KLHDC4: variants seen among roughly 807,000 people sequenced by gnomAD.
KLHDC4 encodes the protein kelch domain-containing protein 4.
A neutral mutation model predicts 62.4 loss-of-function variants in KLHDC4; 90 were observed. The ratio of observed to expected loss-of-function variants is 1.44; its 90% CI spans 1.22 to 1.72. KLHDC4 has a LOEUF of 1.72. Among genes scored for constraint, KLHDC4 ranks in the 40% most tolerant of loss-of-function variants. KLHDC4 has a pLI of 0.00. For synonymous variants in KLHDC4, 386 were observed against 284.4 expected (o/e 1.36, Z -3.59); for missense variants, 1,025 against 699.7 (o/e 1.47, Z -5.25).
At chr16:87,700,888 A>C in exon 1 of KLHDC4, 1 of 257,248 alleles carries the variant, frequency 3.9e-6, no homozygotes, top group Non-Finnish European at 7.6e-6. Flanking sequence ...GGGCGGAGGG[A>C]GGAAGCTGGA....
intron 5 of KLHDC4, 138 bp downstream of exon 5, chr16:87,748,535 C>G: frequency 9.0e-7 from 1 of 1,108,516 alleles, no homozygotes; most frequent in Non-Finnish European, 1.3e-6. Context: ...TCCCAGGACC[C>G]AGCGAGGCTG....
downstream of KLHDC4, chr16:87,702,886 G>A (rs2034219320): frequency 6.6e-6 from 1 of 152,622 alleles, no homozygotes; most frequent in Non-Finnish European, 1.5e-5. Flanking sequence ...AAGTTACCCT[G>A]AGCCTTTTTT....
Position 87,711,289 on chromosome 16 carries a change from G to T in KLHDC4, c.990C>A (p.Asn330Lys). 3.1e-6 allele frequency: 5 copies of T among 1,614,130 alleles called. No individual in the cohort carries two copies. Among genetic ancestry groups the T allele is most frequent in the Non-Finnish European group, 4.2e-6 (5 of 1,180,030 alleles). The change falls in exon 9 of 12, where the codon AAC becomes AAA. Residue 330 changes from asparagine (N) to lysine (K), a missense_variant. By Grantham distance (94) the Asn-to-Lys change is moderately conservative (BLOSUM62 0). Transcript: ENST00000270583. ...EEESLSGEFF[N>K]DLYFYDATRN... is the part of the protein sequence containing the mutation. ...TGGTGGCGTCGTAGAAGTACAGATC[G>T]TTGAAGAACTCGCCCGACAGGCTCT... is the stretch of plus-strand genomic sequence containing the variant.
chr16:87,703,101 T>C (rs968096331), downstream of KLHDC4: 1 of 152,256 alleles, frequency 6.6e-6, no homozygotes, highest in Non-Finnish European at 1.5e-5. Flanking sequence ...TTACTGAAGG[T>C]CCTTCCGCTG....
At chr16:87,701,037 C>A in exon 1 of KLHDC4, 3 of 204,524 alleles carry the variant, frequency 1.5e-5, no homozygotes, top group Non-Finnish European at 2.0e-5. Flanking sequence ...GCTCAGCCTT[C>A]AAAACAAGCA....
Position 87,709,463 on chromosome 16 carries a change from C to CT in KLHDC4, c.1248dup (p.Asp417ArgfsTer4), listed in dbSNP as rs770361905. On this transcript the variant is annotated frameshift_variant, in exon 10 of 12. Coordinates refer to ENST00000270583, the MANE Select transcript of KLHDC4 (RefSeq NM_017566.4). LOFTEE classifies it high-confidence loss of function. Reference sequence around the variant, plus strand: ...GGGCTGCCGGCCTCCTCAAGGCTGTCTTCGTCCTCAGACCGGGGCTGCCCC... The same window carrying CT: ...GGGCTGCCGGCCTCCTCAAGGCTGTCTTTCGTCCTCAGACCGGGGCTGCCCC... 2.5e-6 allele frequency: 4 copies of CT among 1,611,854 alleles called. No homozygotes were observed. The African/African-American group carries it at 5.3e-5, about 22-fold the overall frequency.
At chr16:87,705,141 G>A (rs114426336), downstream of KLHDC4, among the ~76,000 whole-genome samples, 363 of 152,380 alleles carry the variant, frequency 2.4e-3, no homozygotes, top group African/African-American at 8.4e-3. Context: ...GCGAGGAACT[G>A]GGCAAGAACG....
chr16:87,745,247 C>G (rs1028115228), intron 5 of KLHDC4, among the ~76,000 whole-genome samples: 1 of 152,144 alleles, frequency 6.6e-6, no homozygotes, highest in East Asian at 1.9e-4. Flanking sequence ...GCCCTGGGGC[C>G]GGCCATAGGG....
At chr16:87,725,843 G>C (rs575548272) in intron 7 of KLHDC4, among the ~76,000 whole-genome samples, 10 of 152,190 alleles carry the variant, frequency 6.6e-5, no homozygotes, top group Non-Finnish European at 1.3e-4. Flanking sequence ...ATTCCTGTCA[G>C]CACTGTTCTC....
chr16:87,761,628 C>A (rs555327010), intron 2 of KLHDC4, among the ~76,000 whole-genome samples: 1 of 152,216 alleles, frequency 6.6e-6, no homozygotes, highest in Non-Finnish European at 1.5e-5. Flanking sequence ...ACAGTACGCA[C>A]TTTTAAAATA....
intron 5 of KLHDC4, among the ~76,000 whole-genome samples, chr16:87,731,416 T>C (rs192930073): frequency 5.3e-5 from 8 of 151,650 alleles, no homozygotes; most frequent in East Asian, 1.9e-4. Flanking sequence ...AATAAAAATA[T>C]AGGCAAAAGA....
At chr16:87,760,777 A>C (rs2143448706) in intron 2 of KLHDC4, among the ~76,000 whole-genome samples, 1 of 152,334 alleles carries the variant, frequency 6.6e-6, no homozygotes, top group South Asian at 2.1e-4. Context: ...TCACGCCTGT[A>C]ATCCCAGCAC....
intron 5 of KLHDC4, among the ~76,000 whole-genome samples, chr16:87,741,892 C>T (rs34681991): frequency 0.051 from 7,791 of 152,232 alleles, 279 homozygotes; most frequent in East Asian, 0.15. Flanking sequence ...AAAATGAATG[C>T]GCAGTGCAGG....
chr16:87,701,519 G>A, exon 1 of KLHDC4: 1 of 366,684 alleles, frequency 2.7e-6, no homozygotes, highest in Non-Finnish European at 5.6e-6. Context: ...GCAGCCCCGT[G>A]ACGGGCACAG....
At chr16:87,708,633 G>C (rs888129003) in intron 10 of KLHDC4, 167 bp from the exon 11 acceptor site, 2 of 444,984 alleles carry the variant, frequency 4.5e-6, no homozygotes, top group Admixed American at 3.9e-5. Flanking sequence ...AAAGGAAACA[G>C]ACTGCGTTCC....
exon 1 of KLHDC4, chr16:87,700,655 AGGAGGGCAGAGGGCGGAGGGAGGAGGTT>A (rs1304967712): frequency 3.9e-5 from 8 of 202,720 alleles, no homozygotes; most frequent in Admixed American, 7.6e-5. Context: ...GGGCAGAGGG[AGGAGGGCAGAGGGCGGAGGGAGGAGGTT>A]GGAGGGCGGA....
At chr16:87,761,208 C>G (rs1183353111) in intron 2 of KLHDC4, among the ~76,000 whole-genome samples, 4 of 152,238 alleles carry the variant, frequency 2.6e-5, no homozygotes, top group African/African-American at 9.6e-5. Flanking sequence ...AGGGGCTGAT[C>G]ACCGTGCTCC....
downstream of KLHDC4, among the ~76,000 whole-genome samples, chr16:87,706,229 G>GGGT (rs1555548184): frequency 2.6e-4 from 27 of 103,816 alleles, 1 homozygote; most frequent in Non-Finnish European, 4.6e-4. Context: ...CCTCGGGGGG[G>GGGT]GGTCAGCGCA....
downstream of KLHDC4, among the ~76,000 whole-genome samples, chr16:87,706,223 G>GGGGGT (rs565551548): frequency 3.9e-4 from 1 of 2,576 alleles, no homozygotes; most frequent in African/African-American, 1.2e-3. Context: ...TGCAGCCCTC[G>GGGGGT]GGGGGGGGTC....
Sources: allele counts gnomAD v4.1 joint callset (sites outside exome capture counted in the v4.1 genomes callset), GRCh38; gene constraint gnomAD v4.1.1; transcripts MANE v1.5; gene names NCBI Gene and HGNC (gene_info 2026-07-23, HGNC 2026-07-21).